The following MEF2C variants were observed in gnomAD, a reference collection of about 807,000 sequenced individuals.
The protein encoded by MEF2C is myocyte enhancer factor 2C.
Under a neutral mutation model 50.5 loss-of-function variants are expected in MEF2C, and 6 were observed. The observed-to-expected ratio is 0.12, with a 90% CI of 0.07 to 0.23. The LOEUF (loss-of-function observed/expected upper bound fraction) is 0.23. MEF2C is among the 10% of genes least tolerant of loss of function. MEF2C has a pLI of 1.00. For missense variants in MEF2C, 276 were observed against 605.0 expected, an observed-to-expected ratio of 0.46 and a Z score of 5.70; for synonymous variants, 183 against 228.0, an observed-to-expected ratio of 0.80 and a Z score of 1.78.
chr5:88,854,845 T>C (rs1342896221), intron 1 of MEF2C, among the ~76,000 whole-genome samples: 1 of 152,234 alleles, frequency 6.6e-6, no homozygotes, highest in Non-Finnish European at 1.5e-5. Context: ...CAAAAGTTGA[T>C]ATTTTTCTAC....
chr5:88,837,308 T>G (rs768085501), intron 1 of MEF2C, among the ~76,000 whole-genome samples: 15 of 152,186 alleles, frequency 9.9e-5, no homozygotes, highest in Non-Finnish European at 1.9e-4. Context: ...AACTTTTTTT[T>G]TTCAGTTTTA....
In MEF2C at chr5:88,775,549, T is replaced by TAA. The variant is rs1784367320; in HGVS notation, c.259-14222_259-14221insTT. ...AAGGCCTATATAGACTAAGTTACTT[T>TAA]ATTATCAGGTTAATTTTTTTCAAAA... On this transcript the variant is annotated intron_variant, in intron 3 of 10. Transcript: ENST00000504921. Among the ~76,000 whole-genome samples, 4 of 152,364 alleles carry TAA rather than the reference T, an allele frequency of 2.6e-5. No individual in the cohort carries two copies. In the South Asian group the frequency reaches 8.3e-4, roughly 32 times the overall value.
chr5:88,885,461 C>T (rs142778839), upstream of MEF2C, among the ~76,000 whole-genome samples: 808 of 152,302 alleles, frequency 5.3e-3, 4 homozygotes, highest in Non-Finnish European at 8.6e-3. Flanking sequence ...CAAAAACCAT[C>T]TGAAATAGTA....
chr5:88,875,390 G>A (rs555601714), intron 1 of MEF2C, among the ~76,000 whole-genome samples: 69 of 151,954 alleles, frequency 4.5e-4, no homozygotes, highest in African/African-American at 1.6e-3. Flanking sequence ...GCTATTTCCC[G>A]AGATAAGTAC....
rs2153356061 is a variant in MEF2C at position 88,845,496 on chromosome 5, A to G, written c.-142-21566T>C. Among the ~76,000 whole-genome samples the G allele has an allele frequency of 1.3e-5, 2 of 152,260 alleles. 1 individual carries two copies. Among genetic ancestry groups the G allele is most frequent in the African/African-American group, 4.8e-5 (2 of 41,514 alleles). Reference sequence around the variant, plus strand: ...TCGACATACCACTAAATCTGAGATTACAACAGCAGTAGAAGTTTTGAGGAA... The same window carrying G: ...TCGACATACCACTAAATCTGAGATTGCAACAGCAGTAGAAGTTTTGAGGAA... On this transcript the variant is annotated intron_variant, in intron 1 of 10. Coordinates refer to ENST00000504921, the MANE Select transcript of MEF2C (RefSeq NM_002397.5).
At chr5:88,781,407 A>C (rs1787956800) in intron 3 of MEF2C, among the ~76,000 whole-genome samples, 1 of 152,186 alleles carries the variant, frequency 6.6e-6, no homozygotes, top group African/African-American at 2.4e-5. Context: ...GAAGACCAAA[A>C]GTGAGTTTTA....
At chr5:88,835,813 T>TAA (rs11417968) in intron 1 of MEF2C, among the ~76,000 whole-genome samples, 2,922 of 115,260 alleles carry the variant, frequency 0.025, 63 homozygotes, top group East Asian at 0.072. Context: ...AACTCCATCT[T>TAA]AAAAAAAAAA....
chr5:88,840,780 T>A (rs1817057362), intron 1 of MEF2C, among the ~76,000 whole-genome samples: 1 of 152,238 alleles, frequency 6.6e-6, no homozygotes, highest in African/African-American at 2.4e-5. Flanking sequence ...AATTATTTAA[T>A]TCACTATTCC....
Position 88,827,091 on chromosome 5 carries a change from C to T in MEF2C, c.-142-3161G>A, listed in dbSNP as rs573042649. On this transcript the variant is annotated intron_variant, in intron 1 of 10. Transcript: ENST00000504921. ...CTGCTCATTTTGAGTTTGGCATAAG[C>T]AGGCAGATGAAGGCAAAGTGGTTTG... The T allele has an allele frequency of 2.0e-5, 3 of 151,980 alleles. No individual in the cohort carries two copies. In the South Asian group the frequency reaches 6.2e-4, roughly 32 times the overall value. 9.4% of individuals were successfully genotyped at this position (151,980 alleles called of 1,614,324 possible).
chr5:88,727,758 G>A (rs1003078641), intron 10 of MEF2C, among the ~76,000 whole-genome samples: 11 of 151,892 alleles, frequency 7.2e-5, no homozygotes, highest in Admixed American at 2.6e-4. Context: ...TTCAGTTAAC[G>A]TTTTAAGCTT....
chr5:88,796,133 A>T (rs1065861), intron 3 of MEF2C, among the ~76,000 whole-genome samples: 143,818 of 152,272 alleles, frequency 0.94, 68,106 homozygotes, highest in African/African-American at 0.98. Context: ...GGTTTTGGCA[A>T]CAGGATGATG....
Position 88,722,503 on chromosome 5 carries a change from C to A in MEF2C, c.*101G>T. ...GAGTACCTGACTTTTTTTTTTTCCA[C>A]ACACGGCACATATAATGCATATCGA... On this transcript the variant is annotated 3_prime_UTR_variant, in exon 11 of 11. Transcript: ENST00000504921. The A allele has an allele frequency of 9.4e-7, 1 of 1,065,342 alleles. No homozygotes were observed. The highest frequency in any genetic ancestry group is 1.6e-5 in the South Asian group (1 of 61,344). The allele number at this position is 1,065,342 out of a possible 1,614,324, so 66.0% of individuals were successfully genotyped here.
intron 3 of MEF2C, among the ~76,000 whole-genome samples, chr5:88,782,792 T>C (rs987010370): frequency 6.6e-6 from 1 of 152,238 alleles, no homozygotes; most frequent in African/African-American, 2.4e-5. Context: ...CTCTCAAGAA[T>C]TGTCATTATG....
rs796130826 is a variant in MEF2C, at chr5:88,739,536, A to G, written c.638-7635T>C. ...ATGAACATACATCTTTTTATAGAAA[A>G]TTACTTTAAATTGTGTATCATAAAC... On this transcript the variant is annotated intron_variant, in intron 6 of 10. Coordinates refer to ENST00000504921, the MANE Select transcript of MEF2C (RefSeq NM_002397.5). 5.1e-6 allele frequency: 5 copies of G among 982,710 alleles called. No homozygotes were observed. In the African/African-American group the frequency reaches 8.7e-5, roughly 17 times the overall value. 60.9% of individuals were successfully genotyped at this position (982,710 alleles called of 1,614,324 possible).
At chr5:88,775,229 C>G (rs1344172867) in intron 3 of MEF2C, among the ~76,000 whole-genome samples, 1 of 152,160 alleles carries the variant, frequency 6.6e-6, no homozygotes, top group African/African-American at 2.4e-5. Context: ...GACTTGCCTG[C>G]TAGTTTCCTG....
intron 6 of MEF2C, chr5:88,734,427 G>A (rs566278697): frequency 3.0e-6 from 3 of 985,304 alleles, no homozygotes; most frequent in East Asian, 1.1e-4. Flanking sequence ...GGTAGATGCC[G>A]ATACTGGTTT....
intron 1 of MEF2C, among the ~76,000 whole-genome samples, chr5:88,877,493 T>C (rs1295117693): frequency 6.6e-6 from 1 of 152,048 alleles, no homozygotes; most frequent in African/African-American, 2.4e-5. Context: ...GATAATAGTA[T>C]ATTAAATAAC....
chr5:88,736,959 A>G (rs2152356862), intron 6 of MEF2C: 1 of 984,884 alleles, frequency 1.0e-6, no homozygotes, highest in Non-Finnish European at 1.2e-6. Flanking sequence ...GATGCCTTTC[A>G]GACAACTTCA....
At chr5:88,796,957 G>A (rs1454844641) in intron 3 of MEF2C, among the ~76,000 whole-genome samples, 5 of 152,156 alleles carry the variant, frequency 3.3e-5, no homozygotes, top group Non-Finnish European at 7.4e-5. Flanking sequence ...TTAATCCTGA[G>A]TTCTAATTTG....
Sources: allele counts gnomAD v4.1 joint callset (sites outside exome capture counted in the v4.1 genomes callset), GRCh38; gene constraint gnomAD v4.1.1; transcripts MANE v1.5; gene names NCBI Gene and HGNC (gene_info 2026-07-23, HGNC 2026-07-21).